USP28: variants seen among roughly 807,000 people sequenced by gnomAD.
The protein encoded by USP28 is ubiquitin carboxyl-terminal hydrolase 28.
A neutral mutation model predicts 145.0 loss-of-function variants in USP28; 113 were observed. The observed-to-expected ratio is 0.78, with a 90% CI of 0.67 to 0.91. USP28 has a LOEUF of 0.91. Among genes scored for constraint, USP28 ranks in the 40% least tolerant of loss-of-function variants. The pLI is 0.00. For missense variants in USP28, 1,201 were observed against 1,289.6 expected (o/e 0.93, Z 1.05); for synonymous variants, 447 against 450.9 (o/e 0.99, Z 0.11).
At chr11:113,816,966 C>T (rs746819825) in intron 13 of USP28, among the ~76,000 whole-genome samples, 8 of 152,022 alleles carry the variant, frequency 5.3e-5, no homozygotes, top group Non-Finnish European at 8.8e-5. Flanking sequence ...AATATTAATA[C>T]GTGGGGCGGT....
chr11:113,834,912 G>A (rs1463494364), intron 5 of USP28, among the ~76,000 whole-genome samples: 2 of 152,098 alleles, frequency 1.3e-5, no homozygotes, highest in Admixed American at 6.5e-5. Context: ...CAGAAAAAAA[G>A]TATTATACTG....
intron 13 of USP28, among the ~76,000 whole-genome samples, chr11:113,816,456 T>C (rs956092365): frequency 4.6e-5 from 7 of 152,120 alleles, no homozygotes; most frequent in African/African-American, 1.4e-4. Context: ...GAGGTTGCAG[T>C]GAGCTGAGAT....
Position 113,830,852 on chromosome 11 carries a change from G to A in USP28, c.910+15C>T. 6.2e-7 allele frequency: 1 copy of A among 1,609,694 alleles called. No individual in the cohort carries two copies. The highest frequency in any genetic ancestry group is 8.5e-7 in the Non-Finnish European group (1 of 1,177,750). ...ATCAAAGGTCTAGAATTAAAATTCA[G>A]AGCAGAGAATTTACCTTCACGAACC... On this transcript the variant is annotated intron_variant, in intron 9 of 24. Transcript: ENST00000003302.
At chr11:113,869,601 C>T (rs1331219333) in intron 1 of USP28, among the ~76,000 whole-genome samples, 1 of 152,004 alleles carries the variant, frequency 6.6e-6, no homozygotes, top group African/African-American at 2.4e-5. Context: ...AAAAAACAAA[C>T]AAGACATCTC....
chr11:113,818,760 C>G (rs1327374795), intron 12 of USP28, among the ~76,000 whole-genome samples: 2 of 151,904 alleles, frequency 1.3e-5, no homozygotes, highest in Admixed American at 6.6e-5. Context: ...CCTTGGGAGG[C>G]TGAGGCAGGA....
chr11:113,845,343 C>T (rs562846489), intron 3 of USP28, among the ~76,000 whole-genome samples: 75 of 150,294 alleles, frequency 5.0e-4, no homozygotes, highest in African/African-American at 1.7e-3. Flanking sequence ...GGCTGAGGCA[C>T]GAGAATCACT....
At chr11:113,854,275 G>A (rs1232850600) in exon 2 of USP28, 6 of 1,614,050 alleles carry the variant, frequency 3.7e-6, no homozygotes, top group Non-Finnish European at 5.1e-6. Context: ...GCTTCATGGA[G>A]AAAGGAAGGG....
rs1938864045 is a variant in USP28 at position 113,800,837 on chromosome 11, C to A, written c.3058+646G>T. On this transcript the variant is annotated intron_variant, in intron 24 of 24. Transcript: ENST00000003302. The stretch of plus-strand genomic sequence containing the variant: ...GCACCCCTCCCATAACCATACTCTG[C>A]ATGATTTTTTTTTTTTTTTTTTGGA... 4.0e-5 allele frequency among the ~76,000 whole-genome samples: 6 copies of A among 149,748 alleles called. No homozygotes were observed. In the South Asian group the frequency reaches 1.3e-3, roughly 32 times the overall value.
At position 113,854,197 on chromosome 11, in the gene USP28, A is replaced by G. The variant is rs1288724368; in HGVS notation, c.135+61T>C. ...GGGAATAGAAATAGCTTGAACTGAC[A>G]TAACTATAATATAGACAGCTGCTTT... On this transcript the variant is annotated intron_variant, in intron 2 of 24. Transcript: ENST00000003302. The G allele has an allele frequency of 6.2e-6, 9 of 1,460,946 alleles. No homozygotes were observed. The Admixed American group carries it at 1.2e-4, about 20-fold the overall frequency. 90.5% of individuals were successfully genotyped at this position (1,460,946 alleles called of 1,614,324 possible).
Position 113,840,707 on chromosome 11 carries a change from C to G in USP28, c.425G>C (p.Cys142Ser). Residue 142 changes from cysteine (C) to serine (S), a missense_variant, in exon 5 of 25, where the codon TGT becomes TCT. Physicochemically the swap from Cys to Ser is moderately radical, Grantham distance 112 (BLOSUM62 -1). Transcript: ENST00000003302. Reference sequence around the variant, plus strand: ...ATTGGGGTTTTCTCCCCAGACTTCACAGCGTTTTCTCTTTGAGCGTTTAGT... The same window carrying G: ...ATTGGGGTTTTCTCCCCAGACTTCAGAGCGTTTTCTCTTTGAGCGTTTAGT... 1 of 1,614,220 alleles carries G rather than the reference C, an allele frequency of 6.2e-7. No individual in the cohort carries two copies. The highest frequency in any genetic ancestry group is 8.5e-7 in the Non-Finnish European group (1 of 1,180,034).
At chr11:113,807,908 A>T in intron 18 of USP28, 43 bp downstream of exon 19, 1 of 994,330 alleles carries the variant, frequency 1.0e-6, no homozygotes, top group Non-Finnish European at 1.2e-6. Context: ...AAGGAAATAT[A>T]AGACTGACAA....
chr11:113,874,865 C>T, intron 1 of USP28: 1 of 1,002,950 alleles, frequency 1.0e-6, no homozygotes, highest in Non-Finnish European at 1.2e-6. Context: ...GCAGCTCCTC[C>T]CCCTCCTTAA....
chr11:113,871,912 C>T (rs1023811444), intron 1 of USP28, among the ~76,000 whole-genome samples: 1 of 152,122 alleles, frequency 6.6e-6, no homozygotes, highest in African/African-American at 2.4e-5. Flanking sequence ...GCGCCTTGGG[C>T]TCTTGGGGTC....
At chr11:113,862,889 A>C (rs555648121) in intron 1 of USP28, among the ~76,000 whole-genome samples, 69 of 152,304 alleles carry the variant, frequency 4.5e-4, no homozygotes, top group Middle Eastern at 3.4e-3. Flanking sequence ...TAATTCCCTC[A>C]ACATGATACA....
rs186565842 is a variant in USP28, at chr11:113,846,625, C to T, written c.269-4857G>A. ...AAGAATGGATAAAGTATTTAAAAAT[C>T]GAATATTTGAGATATCCTTAGATTT... On this transcript the variant is annotated intron_variant, in intron 3 of 24. Transcript: ENST00000003302. Among the ~76,000 whole-genome samples the T allele has an allele frequency of 3.9e-5, 6 of 152,208 alleles. No individual in the cohort carries two copies. In the East Asian group the frequency reaches 7.7e-4, roughly 20 times the overall value.
At chr11:113,836,034 C>T (rs1031783269) in intron 5 of USP28, among the ~76,000 whole-genome samples, 1 of 152,098 alleles carries the variant, frequency 6.6e-6, no homozygotes, top group Non-Finnish European at 1.5e-5. Context: ...GCCGAGATCG[C>T]ACCATTGCAT....
chr11:113,799,368 G>C (rs1420621334), exon 25 of USP28: 1 of 1,614,114 alleles, frequency 6.2e-7, no homozygotes, highest in Non-Finnish European at 8.5e-7. Context: ...TCTGCAGAAG[G>C]ATCTAGAAGT....
intron 1 of USP28, chr11:113,874,407 A>G (rs1949151938): frequency 1.9e-6 from 2 of 1,052,580 alleles, no homozygotes; most frequent in East Asian, 6.4e-5. Flanking sequence ...CCTAGGCAAC[A>G]GAGGGAGACT....
chr11:113,846,740 C>G (rs1336511638), intron 3 of USP28, among the ~76,000 whole-genome samples: 1 of 152,162 alleles, frequency 6.6e-6, no homozygotes, highest in Non-Finnish European at 1.5e-5. Context: ...TCTGTAATCC[C>G]AACACTTTGG....
Sources: gnomAD v4.1 joint callset for allele counts (sites outside exome capture counted in the v4.1 genomes callset) on GRCh38, gnomAD v4.1.1 for gene constraint, MANE v1.5 for transcripts, NCBI Gene and HGNC (gene_info 2026-07-23, HGNC 2026-07-21) for gene names.